CYP24A1: variants seen among roughly 807,000 people sequenced by gnomAD.
CYP24A1 encodes the protein 1,25-dihydroxyvitamin D(3) 24-hydroxylase, mitochondrial.
In CYP24A1, 68 loss-of-function variants were observed where a neutral mutation model predicts 62.4. The ratio of observed to expected loss-of-function variants is 1.09; its 90% CI spans 0.90 to 1.33. The LOEUF is 1.33. Ranked by LOEUF, CYP24A1 falls within the 40% of genes most tolerant of loss-of-function variation. CYP24A1 has a pLI of 0.00. For synonymous variants in CYP24A1, 267 were observed against 253.0 expected, an observed-to-expected ratio of 1.06 and a Z score of -0.52; for missense variants, 787 against 653.0, an observed-to-expected ratio of 1.21 and a Z score of -2.24.
the CYP24A1 span, among the ~76,000 whole-genome samples, chr20:54,145,689 A>G: frequency 6.0e-5 from 9 of 150,822 alleles, no homozygotes; most frequent in Admixed American, 5.9e-4. Flanking sequence ...TCTTGCCACG[A>G]GGGCCTCCCC....
At chr20:54,155,277 T>C (rs1241835901) in intron 11 of CYP24A1, among the ~76,000 whole-genome samples, 1 of 152,192 alleles carries the variant, frequency 6.6e-6, no homozygotes, top group South Asian at 2.1e-4. Flanking sequence ...TAATTGCATG[T>C]TTCTCTAAAT....
intron 11 of CYP24A1, among the ~76,000 whole-genome samples, chr20:54,156,617 G>A (rs2092628879): frequency 6.6e-6 from 1 of 152,242 alleles, no homozygotes; most frequent in Non-Finnish European, 1.5e-5. Context: ...TAGCCTGGAA[G>A]AGCCTCATCA....
downstream of CYP24A1, among the ~76,000 whole-genome samples, chr20:54,149,594 T>C (rs2092609539): frequency 6.6e-6 from 1 of 152,150 alleles, no homozygotes; most frequent in South Asian, 2.1e-4. Flanking sequence ...TCAACGTTTG[T>C]AGCAGGGATT....
chr20:54,166,868 CA>C (rs1223178106), intron 4 of CYP24A1, among the ~76,000 whole-genome samples: 3 of 151,746 alleles, frequency 2.0e-5, no homozygotes, highest in Non-Finnish European at 4.4e-5. Context: ...GCTGTCTCTA[CA>C]AAAAAATAAA....
intron 2 of CYP24A1, chr20:54,171,874 A>C (rs2092695346): frequency 7.8e-7 from 1 of 1,287,130 alleles, no homozygotes; most frequent in African/African-American, 1.5e-5. Flanking sequence ...TAGGATGAAA[A>C]AGCACCTTTC....
chr20:54,168,278 T>C (rs539596969), intron 4 of CYP24A1, among the ~76,000 whole-genome samples: 1 of 152,206 alleles, frequency 6.6e-6, no homozygotes, highest in Non-Finnish European at 1.5e-5. Context: ...GGCAGTGAGC[T>C]CTGCCCTTTA....
At chr20:54,146,297 T>A in the CYP24A1 span, among the ~76,000 whole-genome samples, 1 of 152,180 alleles carries the variant, frequency 6.6e-6, no homozygotes, top group Non-Finnish European at 1.5e-5. Flanking sequence ...ACATCCCTTT[T>A]CCGGCACCCT....
intron 4 of CYP24A1, among the ~76,000 whole-genome samples, chr20:54,168,536 A>G (rs2092680530): frequency 6.6e-6 from 1 of 151,964 alleles, no homozygotes; most frequent in South Asian, 2.1e-4. Context: ...TGGCATTTGC[A>G]CTTTCTTCTC....
At chr20:54,160,876 G>C (rs1213265983) in intron 7 of CYP24A1, among the ~76,000 whole-genome samples, 2 of 152,218 alleles carry the variant, frequency 1.3e-5, no homozygotes, top group Admixed American at 6.5e-5. Flanking sequence ...GATTTGAGGG[G>C]AAGTGGCCTG....
downstream of CYP24A1, among the ~76,000 whole-genome samples, chr20:54,150,719 C>CTTAA (rs2092611279): frequency 2.0e-5 from 3 of 152,200 alleles, no homozygotes; most frequent in African/African-American, 7.2e-5. Flanking sequence ...GTTTACTTAA[C>CTTAA]CTCTCTGAGC....
chr20:54,145,893 A>G, the CYP24A1 span, among the ~76,000 whole-genome samples: 2 of 152,256 alleles, frequency 1.3e-5, no homozygotes, highest in African/African-American at 4.8e-5. Flanking sequence ...TATTTTACTT[A>G]GGGATCATCT....
At chr20:54,157,111 C>T in intron 11 of CYP24A1, 58 bp downstream of exon 11, 1 of 858,776 alleles carries the variant, frequency 1.2e-6, no homozygotes, top group Non-Finnish European at 2.0e-6. Context: ...CCCAGCATAG[C>T]TCATCCCTCG....
downstream of CYP24A1, among the ~76,000 whole-genome samples, chr20:54,152,033 C>T (rs759076814): frequency 1.3e-5 from 2 of 152,148 alleles, no homozygotes; most frequent in African/African-American, 2.4e-5. Flanking sequence ...ATGTCAGTGT[C>T]GGCTCCAGGC....
intron 4 of CYP24A1, among the ~76,000 whole-genome samples, chr20:54,167,838 T>A (rs747424334): frequency 5.9e-5 from 9 of 152,230 alleles, no homozygotes; most frequent in Non-Finnish European, 8.8e-5. Flanking sequence ...CTTGAATTTA[T>A]GGAAGTGTTA....
In CYP24A1 at chr20:54,158,077, T is replaced by G; in HGVS notation, c.1236+9A>C. On this transcript the variant is annotated intron_variant, in intron 9 of 11. Transcript: ENST00000216862. ...TTTGTAAGGTATAGAATATACAAATTCTACTTACTCCTTTGGGTAAAGCAT... is the reference window on the plus strand; with the variant it reads ...TTTGTAAGGTATAGAATATACAAATGCTACTTACTCCTTTGGGTAAAGCAT... The G allele has an allele frequency of 2.5e-6, 4 of 1,613,550 alleles. No individual in the cohort carries two copies. Among genetic ancestry groups the G allele is most frequent in the Non-Finnish European group, 3.4e-6 (4 of 1,179,990 alleles).
the CYP24A1 span, among the ~76,000 whole-genome samples, chr20:54,145,496 T>C: frequency 6.6e-6 from 1 of 151,854 alleles, no homozygotes; most frequent in African/African-American, 2.4e-5. Context: ...AAAAATTAGC[T>C]GGGTGTGGTG....
At chr20:54,171,825 G>C in intron 2 of CYP24A1, 155 bp from the exon 3 acceptor site, 2 of 1,488,012 alleles carry the variant, frequency 1.3e-6, no homozygotes, top group Non-Finnish European at 9.0e-7. Context: ...AGAATATTTG[G>C]GATAAAATAG....
In CYP24A1 at chr20:54,173,725, G is replaced by T; in HGVS notation, c.-146C>A. On this transcript the variant is annotated 5_prime_UTR_variant, in exon 1 of 12. Coordinates refer to ENST00000216862, the MANE Select transcript of CYP24A1 (RefSeq NM_000782.5). The surrounding 1 kb of genome is among the most constrained non-coding windows in gnomAD (Gnocchi z 7.2). ...TGGTGTGATGGAGCGGGGTGAGGCGGGACAGGCAGCAGAAAGGACCTCGGC... is the reference window on the plus strand; with the variant it reads ...TGGTGTGATGGAGCGGGGTGAGGCGTGACAGGCAGCAGAAAGGACCTCGGC... 1 of 629,086 alleles carries T rather than the reference G, an allele frequency of 1.6e-6. No individual in the cohort carries two copies. Among genetic ancestry groups the T allele is most frequent in the Non-Finnish European group, 2.8e-6 (1 of 357,046 alleles). 39.0% of individuals were successfully genotyped at this position (629,086 alleles called of 1,614,324 possible).
Position 54,171,644 on chromosome 20 carries a change from C to T in CYP24A1, c.476G>A (p.Arg159Gln), listed in dbSNP as rs387907322. ...ILEGEDWQRV[R>Q]SAFQKKLMKP... ...CATTAGTTTCTTTTGAAAGGCACTC[C>T]GGACCCGCTGCCAGTCTTCCCCTTC... Residue 159 changes from arginine to glutamine, a missense_variant, in exon 3 of 12, where the codon CGG becomes CAG. Transcript: ENST00000216862. 26 of 1,613,748 alleles carry T rather than the reference C, an allele frequency of 1.6e-5. No individual in the cohort carries two copies. Among genetic ancestry groups the T allele is most frequent in the Admixed American group, 5.0e-5 (3 of 59,984 alleles).
Sources: gnomAD v4.1 joint callset for allele counts (sites outside exome capture counted in the v4.1 genomes callset) on GRCh38, gnomAD v4.1.1 for gene constraint, Gnocchi (gnomAD v3.1) non-coding constraint, MANE v1.5 for transcripts, NCBI Gene and HGNC (gene_info 2026-07-23, HGNC 2026-07-21) for gene names.